RBM15: variants seen among roughly 807,000 people sequenced by gnomAD.
RBM15 encodes the protein RNA binding motif protein 15.
In RBM15, 8 loss-of-function variants were observed where a neutral mutation model predicts 62.6. The ratio of observed to expected loss-of-function variants is 0.13; its 90% confidence interval spans 0.07 to 0.23. RBM15 has a LOEUF of 0.23. Ranked by LOEUF, RBM15 falls within the 10% of genes least tolerant of loss-of-function variation. RBM15 has a pLI of 1.00. For synonymous variants in RBM15, 606 were observed against 505.7 expected, an observed-to-expected ratio of 1.20 and a Z score of -2.66; for missense variants, 1,144 against 1,286.5, an observed-to-expected ratio of 0.89 and a Z score of 1.69.
In RBM15 at chr1:110,340,407, G is replaced by A. The variant is rs774676880; in HGVS notation, c.1002G>A (p.Pro334=). ...ACCTGGAGAGAGAAAGAGACTACCC[G>A]TTCTATGAGAGAGTGCGCCCTGCAT... ...PRDLERERDY[P]FYERVRPAYS... Residue 334 remains proline (P), a synonymous_variant, in exon 1 of 3, where the codon CCG becomes CCA. Coordinates refer to ENST00000369784, the MANE Select transcript of RBM15 (RefSeq NM_022768.5). This position sits in a 1 kb window ranked among gnomAD's most constrained non-coding sequence, Gnocchi z 5.8. The A allele has an allele frequency of 1.9e-6, 3 of 1,614,198 alleles. No individual in the cohort carries two copies. Among genetic ancestry groups the A allele is most frequent in the East Asian group, 4.5e-5 (2 of 44,884 alleles).
chr1:110,339,398 A>G lies in RBM15; in HGVS notation c.-8A>G. 6.6e-7 allele frequency: 1 copy of G among 1,508,822 alleles called. No individual in the cohort carries two copies. The highest frequency in any genetic ancestry group is 8.9e-7 in the Non-Finnish European group (1 of 1,128,348). 93.5% of individuals were successfully genotyped at this position (1,508,822 alleles called of 1,614,324 possible). ...CAATGAGACTGTAGAAGAGAGAGCA[A>G]TTGGCCAATGAGGACTGCGGGGCGG... On this transcript the variant is annotated 5_prime_UTR_variant, in exon 1 of 3. Coordinates refer to ENST00000369784, the MANE Select transcript of RBM15 (RefSeq NM_022768.5).
At chr1:110,342,966 A>G (rs1660832297) in intron 1 of RBM15, among the ~76,000 whole-genome samples, 1 of 152,226 alleles carries the variant, frequency 6.6e-6, no homozygotes, top group Admixed American at 6.5e-5. Context: ...GTTACAAACC[A>G]TATATGTCTT....
intron 1 of RBM15, 37 bp from the exon 2 acceptor site, chr1:110,345,502 G>C (rs766147097): frequency 4.1e-6 from 6 of 1,465,982 alleles, no homozygotes; most frequent in Middle Eastern, 1.7e-4. Context: ...ATTTTGGAGA[G>C]AATTTCTGGA....
intron 1 of RBM15, 96 bp downstream of exon 1, chr1:110,342,364 C>G (rs1660817769): frequency 2.3e-5 from 22 of 966,574 alleles, no homozygotes; most frequent in Non-Finnish European, 3.2e-5. Context: ...ATGCAATTTT[C>G]TTTTTAGTTG....
rs751378615 is a variant in RBM15 at position 110,339,668 on chromosome 1, C to T, written c.263C>T (p.Thr88Ile). 15 of 1,613,284 alleles carry T rather than the reference C, an allele frequency of 9.3e-6. No individual in the cohort carries two copies. In the South Asian group the frequency reaches 1.5e-4, roughly 17 times the overall value. ...AGCAATGGGAGCAGCAGCGGAAAGACCGATAGCGGCGGTGGGTCGCGGCGG... is the reference window on the plus strand; with the variant it reads ...AGCAATGGGAGCAGCAGCGGAAAGATCGATAGCGGCGGTGGGTCGCGGCGG... ...GGSNGSSSGK[T>I]DSGGGSRRSL... Residue 88 changes from threonine to isoleucine, a missense_variant, in exon 1 of 3, where the codon ACC becomes ATC. Transcript: ENST00000369784.
chr1:110,345,338 G>C (rs1660876554), intron 1 of RBM15, among the ~76,000 whole-genome samples: 1 of 152,098 alleles, frequency 6.6e-6, no homozygotes. Flanking sequence ...AATAAAAAAT[G>C]TAAATCCACT....
chr1:110,340,390 A>G lies in RBM15; in HGVS notation c.985A>G (p.Arg329Gly). The change falls in exon 1 of 3, where the codon AGA becomes GGA. Residue 329 changes from arginine (R) to glycine (G), a missense_variant. Physicochemically the swap from Arg to Gly is moderately radical, Grantham distance 125 (BLOSUM62 -2). Transcript: ENST00000369784. This position sits in a 1 kb window ranked among gnomAD's most constrained non-coding sequence, Gnocchi z 5.8. Reference protein sequence around the residue: ...PPPPLPRDLERERDYPFYERV... With the variant: ...PPPPLPRDLEGERDYPFYERV... ...GCCACCATTGCCTCGAGACCTGGAG[A>G]GAGAAAGAGACTACCCGTTCTATGA... 1 of 1,614,138 alleles carries G rather than the reference A, an allele frequency of 6.2e-7. No homozygotes were observed. Among genetic ancestry groups the G allele is most frequent in the Non-Finnish European group, 8.5e-7 (1 of 1,180,016 alleles).
chr1:110,340,379 G>T lies in RBM15; in HGVS notation c.974G>T (p.Arg325Leu). 1.2e-6 allele frequency: 2 copies of T among 1,614,180 alleles called. No homozygotes were observed. Among genetic ancestry groups the T allele is most frequent in the African/African-American group, 2.7e-5 (2 of 75,036 alleles). ...CCTCCACCTCCGCCACCATTGCCTCGAGACCTGGAGAGAGAAAGAGACTAC... is the reference window on the plus strand; with the variant it reads ...CCTCCACCTCCGCCACCATTGCCTCTAGACCTGGAGAGAGAAAGAGACTAC... ...LPPPPPPPLP[R>L]DLERERDYPF... The change falls in exon 1 of 3, where the codon CGA becomes CTA. Residue 325 changes from arginine to leucine, a missense_variant. This residue lies in a region of RBM15 where 188 missense variants were observed against 185.6 expected (regional missense o/e 1.01). Coordinates refer to ENST00000369784, the MANE Select transcript of RBM15 (RefSeq NM_022768.5). This position sits in a 1 kb window ranked among gnomAD's most constrained non-coding sequence, Gnocchi z 5.8.
In RBM15 at chr1:110,339,919, C is replaced by G; in HGVS notation, c.514C>G (p.Leu172Val). 1 of 1,613,610 alleles carries G rather than the reference C, an allele frequency of 6.2e-7. No homozygotes were observed. The highest frequency in any genetic ancestry group is 8.5e-7 in the Non-Finnish European group (1 of 1,179,542). The change falls in exon 1 of 3, where the codon CTG (leucine) becomes GTG (valine). Residue 172 changes from leucine (L) to valine (V), a missense_variant. Physicochemically the swap from Leu to Val is conservative, Grantham distance 32. Coordinates refer to ENST00000369784, the MANE Select transcript of RBM15 (RefSeq NM_022768.5). ...CGGGGACGGCGCGGAATACAAGACT[C>G]TGAAGATAAGCGAGTTGGGGTCCCA... ...GGGDGAEYKT[L>V]KISELGSQLS... is the part of the protein sequence containing the mutation.
Position 110,339,902 on chromosome 1 carries a change from G to A in RBM15, c.497G>A (p.Gly166Asp). 6.2e-7 allele frequency: 1 copy of A among 1,606,898 alleles called. No homozygotes were observed. ...TCCTCAGCTCCCGGCGGCGGGGACG[G>A]CGCGGAATACAAGACTCTGAAGATA... ...AASSAPGGGD[G>D]AEYKTLKISE... The change falls in exon 1 of 3, where the codon GGC (glycine) becomes GAC (aspartate). Residue 166 changes from glycine (G) to aspartate (D), a missense_variant. By Grantham distance (94) the Gly-to-Asp change is moderately conservative. This residue lies in a region of RBM15 where 298 missense variants were observed against 250.0 expected (regional missense o/e 1.19). Coordinates refer to ENST00000369784, the MANE Select transcript of RBM15 (RefSeq NM_022768.5).
rs1021905481 is a variant in RBM15 at position 110,345,483 on chromosome 1, G to A, written c.2864-56G>A. 3.2e-6 allele frequency: 4 copies of A among 1,266,052 alleles called. No homozygotes were observed. In the African/African-American group the frequency reaches 5.9e-5, roughly 19 times the overall value. 78.4% of individuals were successfully genotyped at this position (1,266,052 alleles called of 1,614,324 possible). ...GAAGAGGGCCTTAATGACCTTTTATGTGAAAAAAATTTTGGAGAGAATTTC... is the reference window on the plus strand; with the variant it reads ...GAAGAGGGCCTTAATGACCTTTTATATGAAAAAAATTTTGGAGAGAATTTC... On this transcript the variant is annotated intron_variant, in intron 1 of 2. Transcript: ENST00000369784.
intron 1 of RBM15, among the ~76,000 whole-genome samples, chr1:110,343,482 G>A (rs1022232146): frequency 1.3e-5 from 2 of 151,258 alleles, no homozygotes; most frequent in African/African-American, 4.9e-5. Context: ...CCAGACACCC[G>A]GAATTAATAC....
At position 110,340,205 on chromosome 1, in the gene RBM15, C is replaced by A; in HGVS notation, c.800C>A (p.Pro267His). The A allele has an allele frequency of 6.2e-7, 1 of 1,614,040 alleles. No homozygotes were observed. The highest frequency in any genetic ancestry group is 2.2e-5 in the East Asian group (1 of 44,896). ...TCCCCTTTAGACAAAGATACTTATCCTCCATCAGCCAGTGTGGTCGGGGCC... is the reference window on the plus strand; with the variant it reads ...TCCCCTTTAGACAAAGATACTTATCATCCATCAGCCAGTGTGGTCGGGGCC... ...SRSPLDKDTY[P>H]PSASVVGASV... Residue 267 changes from proline (P) to histidine (H), a missense_variant, in exon 1 of 3, where the codon CCT becomes CAT. Physicochemically the swap from Pro to His is moderately conservative, Grantham distance 77 (BLOSUM62 -2). Transcript: ENST00000369784. This position sits in a 1 kb window ranked among gnomAD's most constrained non-coding sequence, Gnocchi z 5.8.
intron 2 of RBM15, among the ~76,000 whole-genome samples, chr1:110,346,067 C>T (rs1660892057): frequency 6.6e-6 from 1 of 151,972 alleles, no homozygotes; most frequent in African/African-American, 2.4e-5. Context: ...CTGTTATCTT[C>T]AATTGCAGTC....
Position 110,340,776 on chromosome 1 carries a change from C to G in RBM15, c.1371C>G (p.Leu457=). ...GTAAAGCTACACCCACCACCCGCCTCTGGGTGGGAGGCCTGGGACCTTGGG... is the reference window on the plus strand; with the variant it reads ...GTAAAGCTACACCCACCACCCGCCTGTGGGTGGGAGGCCTGGGACCTTGGG... ...GYGKATPTTR[L]WVGGLGPWVP... Residue 457 remains leucine (L), a synonymous_variant, in exon 1 of 3, where the codon CTC becomes CTG. Coordinates refer to ENST00000369784, the MANE Select transcript of RBM15 (RefSeq NM_022768.5). The surrounding 1 kb of genome is among the most constrained non-coding windows in gnomAD (Gnocchi z 5.8). 1.2e-6 allele frequency: 2 copies of G among 1,614,212 alleles called. No individual in the cohort carries two copies. The highest frequency in any genetic ancestry group is 1.7e-6 in the Non-Finnish European group (2 of 1,180,036).
In RBM15 at chr1:110,341,439, C is replaced by T. The variant is rs1353239176; in HGVS notation, c.2034C>T (p.Ser678=). The change falls in exon 1 of 3, where the codon AGC becomes AGT. Residue 678 remains serine, a synonymous_variant. Transcript: ENST00000369784. This position sits in a 1 kb window ranked among gnomAD's most constrained non-coding sequence, Gnocchi z 4.5. ...CTCCTGACCGCAGTCCAGAATTGAG[C>T]AGTAGCCGGGATCGTTACAACAGCG... The part of the protein sequence containing the change: ...APSPDRSPEL[S]SSRDRYNSDN... 2 of 1,614,144 alleles carry T rather than the reference C, an allele frequency of 1.2e-6. No individual in the cohort carries two copies. The highest frequency in any genetic ancestry group is 1.7e-6 in the Non-Finnish European group (2 of 1,180,020).
Position 110,341,480 on chromosome 1 carries a change from C to A in RBM15, c.2075C>A (p.Ser692Tyr). Residue 692 changes from serine (S) to tyrosine (Y), a missense_variant, in exon 1 of 3, where the codon TCC (serine) becomes TAC (tyrosine). Ser to Tyr is a moderately radical substitution (Grantham distance 144). Coordinates refer to ENST00000369784, the MANE Select transcript of RBM15 (RefSeq NM_022768.5). The surrounding 1 kb of genome is among the most constrained non-coding windows in gnomAD (Gnocchi z 4.5). ...TACAACAGCGACAATGATCGATCTT[C>A]CCGTCTTCTCTTGGAAAGGCCCTCT... ...DRYNSDNDRS[S>Y]RLLLERPSPI... is the part of the protein sequence containing the mutation. The A allele has an allele frequency of 6.2e-7, 1 of 1,614,118 alleles. No homozygotes were observed. The highest frequency in any genetic ancestry group is 1.1e-5 in the South Asian group (1 of 91,084).
intron 1 of RBM15, among the ~76,000 whole-genome samples, chr1:110,344,579 A>G (rs1191275645): frequency 6.6e-6 from 1 of 152,164 alleles, no homozygotes; most frequent in Non-Finnish European, 1.5e-5. Context: ...TGTATTATAA[A>G]AAACTAATTA....
intron 1 of RBM15, among the ~76,000 whole-genome samples, chr1:110,344,928 A>AT (rs1380945204): frequency 6.6e-6 from 1 of 152,220 alleles, no homozygotes; most frequent in African/African-American, 2.4e-5. Context: ...AAACGTGAAG[A>AT]TAAGACTTTT....
Sources: gnomAD v4.1 joint callset for allele counts (sites outside exome capture counted in the v4.1 genomes callset) on GRCh38, gnomAD v4.1.1 for gene constraint, gnomAD v4.1.1 regional missense constraint, Gnocchi (gnomAD v3.1) non-coding constraint, MANE v1.5 for transcripts, NCBI Gene and HGNC (gene_info 2026-07-23, HGNC 2026-07-21) for gene names.